The following TRANK1 variants were observed in gnomAD, a reference collection of about 807,000 sequenced individuals.
The protein encoded by TRANK1 is TPR and ankyrin repeat-containing protein 1.
Under a neutral mutation model 266.0 loss-of-function variants are expected in TRANK1, and 198 were observed. The ratio of observed to expected loss-of-function variants is 0.74; its 90% CI spans 0.66 to 0.84. The LOEUF is 0.84. Ranked by LOEUF, TRANK1 falls within the 40% of genes least tolerant of loss-of-function variation. TRANK1 has a pLI of 0.00. For missense variants in TRANK1, 3,326 were observed against 3,634.6 expected, an observed-to-expected ratio of 0.92 and a Z score of 2.18; for synonymous variants, 1,396 against 1,384.1, an observed-to-expected ratio of 1.01 and a Z score of -0.19.
At chr3:36,908,509 C>T (rs1575300606) in intron 1 of TRANK1, 55 bp from the exon 2 acceptor site, 3 of 1,232,084 alleles carry the variant, frequency 2.4e-6, no homozygotes, top group Non-Finnish European at 3.0e-6. Context: ...GCATGTTCAC[C>T]TTCCGGTCTG....
chr3:36,851,963 A>T (rs1041300998), intron 14 of TRANK1, 107 bp from the exon 15 acceptor site: 3 of 1,441,746 alleles, frequency 2.1e-6, no homozygotes, highest in Non-Finnish European at 1.8e-6. Context: ...TGGCCAGCAT[A>T]AACATGGTCA....
intron 1 of TRANK1, among the ~76,000 whole-genome samples, chr3:36,928,748 T>C (rs566232559): frequency 6.9e-4 from 105 of 152,248 alleles, no homozygotes; most frequent in African/African-American, 2.4e-3. Context: ...TATGAACTAA[T>C]GTCCTTATAT....
intron 1 of TRANK1, among the ~76,000 whole-genome samples, chr3:36,914,667 C>T (rs1366068194): frequency 2.0e-5 from 3 of 151,426 alleles, no homozygotes; most frequent in South Asian, 2.1e-4. Flanking sequence ...AAGGAGTTTT[C>T]ACTCTTGTCA....
chr3:36,903,319 GAA>G, intron 2 of TRANK1, 44 bp from the exon 3 acceptor site: 3 of 1,521,536 alleles, frequency 2.0e-6, no homozygotes, highest in Non-Finnish European at 2.6e-6. Context: ...TGCAAATACA[GAA>G]AACAGTCTGT....
intron 4 of TRANK1, among the ~76,000 whole-genome samples, chr3:36,896,676 G>A (rs907885418): frequency 5.3e-5 from 8 of 152,162 alleles, no homozygotes; most frequent in Non-Finnish European, 8.8e-5. Flanking sequence ...CTCCGGCCTG[G>A]CTTCTGACAG....
chr3:36,839,995 T>A (rs1430953197), intron 18 of TRANK1, among the ~76,000 whole-genome samples: 1 of 152,218 alleles, frequency 6.6e-6, no homozygotes, highest in Non-Finnish European at 1.5e-5. Context: ...AAGAGAAGGC[T>A]TTTTATAACA....
chr3:36,884,671 G>A (rs896352980), intron 8 of TRANK1, among the ~76,000 whole-genome samples: 4 of 152,184 alleles, frequency 2.6e-5, no homozygotes, highest in South Asian at 2.1e-4. Flanking sequence ...AGTGGCTCAC[G>A]CCTGTGATCA....
At chr3:36,840,360 C>T (rs557001765) in intron 18 of TRANK1, among the ~76,000 whole-genome samples, 90 of 152,290 alleles carry the variant, frequency 5.9e-4, no homozygotes, top group African/African-American at 2.1e-3. Flanking sequence ...CTAAATACTA[C>T]ATACTTAGGA....
At chr3:36,869,568 C>T (rs2079276152) in intron 9 of TRANK1, among the ~76,000 whole-genome samples, 1 of 152,224 alleles carries the variant, frequency 6.6e-6, no homozygotes, top group Non-Finnish European at 1.5e-5. Context: ...TCCATCTGTC[C>T]CTTTAATGGA....
At chr3:36,846,048 A>G (rs1358071761) in intron 17 of TRANK1, among the ~76,000 whole-genome samples, 200 bp downstream of exon 17, 1 of 152,220 alleles carries the variant, frequency 6.6e-6, no homozygotes. Flanking sequence ...TCTTCCCTGA[A>G]GGAGTTAACC....
intron 2 of TRANK1, among the ~76,000 whole-genome samples, chr3:36,904,578 C>A (rs564042202): frequency 6.6e-6 from 1 of 151,890 alleles, no homozygotes; most frequent in East Asian, 1.9e-4. Context: ...TAGAATAATA[C>A]AAAAATCACT....
intron 1 of TRANK1, among the ~76,000 whole-genome samples, chr3:36,935,944 G>A (rs2080419311): frequency 6.6e-6 from 1 of 152,144 alleles, no homozygotes; most frequent in South Asian, 2.1e-4. Flanking sequence ...TTTCACTGGT[G>A]GTATTGGATT....
At chr3:36,905,554 A>C (rs1410363789) in intron 2 of TRANK1, among the ~76,000 whole-genome samples, 1 of 152,170 alleles carries the variant, frequency 6.6e-6, no homozygotes, top group Non-Finnish European at 1.5e-5. Flanking sequence ...ACTTTGAAAA[A>C]TAAATTTCTG....
chr3:36,874,324 G>T (rs1427056247), intron 8 of TRANK1, 28 bp from the exon 9 acceptor site: 1 of 1,530,342 alleles, frequency 6.5e-7, no homozygotes, highest in South Asian at 1.2e-5. Flanking sequence ...GAGAAGGGGT[G>T]TTTGTCATGG....
At chr3:36,895,847 G>T in intron 4 of TRANK1, 89 bp from the exon 5 acceptor site, 1 of 762,512 alleles carries the variant, frequency 1.3e-6, no homozygotes, top group Non-Finnish European at 2.0e-6. Flanking sequence ...TTCACACATA[G>T]ACAAATGGTA....
At position 36,861,121 on chromosome 3, in the gene TRANK1, C is replaced by T. The variant is rs1001946651; in HGVS notation, c.1280G>A (p.Cys427Tyr). 14 of 1,537,212 alleles carry T rather than the reference C, an allele frequency of 9.1e-6. No individual in the cohort carries two copies. In the African/African-American group the frequency reaches 1.9e-4, roughly 21 times the overall value. The change falls in exon 11 of 24, where the codon TGT becomes TAT. Residue 427 changes from cysteine to tyrosine, a missense_variant. By Grantham distance (194) the Cys-to-Tyr change is radical (BLOSUM62 -2). Coordinates refer to ENST00000645898, the MANE Select transcript of TRANK1 (RefSeq NM_001329998.2). ...TAAGAATTTGAAGACGGTGGTGGCA[C>T]AGTCTTGATTAATATCACAGACCAG... ...PDLVCDINQD[C>Y]ATTVFKFLLE...
chr3:36,851,009 G>A, intron 15 of TRANK1: 4 of 985,596 alleles, frequency 4.1e-6, no homozygotes, highest in Non-Finnish European at 4.8e-6. Context: ...GTGGGAAAGA[G>A]AAAACAGTGG....
At chr3:36,923,534 G>A (rs1178088393) in intron 1 of TRANK1, among the ~76,000 whole-genome samples, 1 of 152,136 alleles carries the variant, frequency 6.6e-6, no homozygotes, top group Non-Finnish European at 1.5e-5. Flanking sequence ...AGGATTACAG[G>A]TGTGAGCCAC....
At chr3:36,854,389 A>G (rs1015428804) in intron 13 of TRANK1, among the ~76,000 whole-genome samples, 2 of 152,216 alleles carry the variant, frequency 1.3e-5, no homozygotes, top group African/African-American at 4.8e-5. Context: ...AAAGAAAGAA[A>G]TCTCAACAAC....
Sources: gnomAD v4.1 joint callset for allele counts (sites outside exome capture counted in the v4.1 genomes callset) on GRCh38, gnomAD v4.1.1 for gene constraint, MANE v1.5 for transcripts, NCBI Gene and HGNC (gene_info 2026-07-23, HGNC 2026-07-21) for gene names.